The following FAM174B variants were observed in gnomAD, a reference collection of about 807,000 sequenced individuals.
The protein encoded by FAM174B is membrane protein FAM174B.
Under a neutral mutation model 10.9 loss-of-function variants are expected in FAM174B, and 12 were observed. That is an observed-to-expected ratio of 1.10 (90% CI 0.71 to 1.79). The LOEUF is 1.79. Among genes scored for constraint, FAM174B ranks in the 40% most tolerant of loss-of-function variants. The probability of loss-of-function intolerance (pLI) is 0.00; values close to 1 mark genes in which losing one functional copy is unlikely to be tolerated. For synonymous variants in FAM174B, 132 were observed against 115.8 expected (o/e 1.14, Z -0.90); for missense variants, 266 against 233.3 (o/e 1.14, Z -0.91).
At chr15:92,638,253 AC>A (rs1288135141) in intron 1 of FAM174B, among the ~76,000 whole-genome samples, 1 of 152,178 alleles carries the variant, frequency 6.6e-6, no homozygotes, top group Non-Finnish European at 1.5e-5. Context: ...GAGATAAAGC[AC>A]CCTTCCATCC....
intron 1 of FAM174B, among the ~76,000 whole-genome samples, chr15:92,642,152 G>A (rs554233475): frequency 6.6e-6 from 1 of 152,234 alleles, no homozygotes; most frequent in African/African-American, 2.4e-5. Context: ...TAAGCAAAAA[G>A]ACAGACAATA....
At chr15:92,628,846 A>G (rs1220126525) in intron 2 of FAM174B, among the ~76,000 whole-genome samples, 1 of 152,220 alleles carries the variant, frequency 6.6e-6, no homozygotes, top group Admixed American at 6.5e-5. Context: ...TAAAACACCA[A>G]TGAGAATATA....
chr15:92,621,941 TG>T (rs1283501074), intron 2 of FAM174B, among the ~76,000 whole-genome samples: 2 of 151,824 alleles, frequency 1.3e-5, no homozygotes, highest in African/African-American at 4.8e-5. Context: ...GGATGAAGGG[TG>T]GGGGCACAGG....
chr15:92,654,400 T>C (rs2141967607), intron 1 of FAM174B, among the ~76,000 whole-genome samples: 1 of 152,162 alleles, frequency 6.6e-6, no homozygotes, highest in African/African-American at 2.4e-5. Flanking sequence ...ACAGGACAGG[T>C]TTGGTTCATT....
chr15:92,626,646 G>C (rs1159368050), intron 2 of FAM174B, among the ~76,000 whole-genome samples: 1 of 152,110 alleles, frequency 6.6e-6, no homozygotes, highest in Non-Finnish European at 1.5e-5. Flanking sequence ...ATGGTCTGGA[G>C]CGGGAAACTT....
intron 1 of FAM174B, among the ~76,000 whole-genome samples, chr15:92,635,408 T>G (rs1050165802): frequency 1.3e-5 from 2 of 152,128 alleles, no homozygotes; most frequent in African/African-American, 4.8e-5. Flanking sequence ...AAACTGAGAC[T>G]GCTGAGAAGT....
chr15:92,620,951 C>T (rs2050715557), intron 2 of FAM174B, among the ~76,000 whole-genome samples: 1 of 151,980 alleles, frequency 6.6e-6, no homozygotes, highest in Non-Finnish European at 1.5e-5. Flanking sequence ...TATATAATCC[C>T]ATGAGCAAAA....
At chr15:92,641,816 G>T (rs76138241) in intron 1 of FAM174B, among the ~76,000 whole-genome samples, 6,030 of 152,008 alleles carry the variant, frequency 0.04, 147 homozygotes, top group African/African-American at 0.076. Flanking sequence ...AGATAAATTG[G>T]ACTCATCAAA....
chr15:92,630,699 A>G (rs971364078), intron 1 of FAM174B, among the ~76,000 whole-genome samples: 2 of 137,490 alleles, frequency 1.5e-5, no homozygotes, highest in African/African-American at 2.9e-5. Flanking sequence ...TTTTATATAT[A>G]TATTATATAA....
In FAM174B at chr15:92,619,406, T is replaced by A. The variant is rs2050703589; in HGVS notation, c.*50A>T. On this transcript the variant is annotated 3_prime_UTR_variant, in exon 3 of 3. Coordinates refer to ENST00000327355, the MANE Select transcript of FAM174B (RefSeq NM_207446.3). ...CAGGTCCAGTCCTTCACACCCCAGG[T>A]TGCAGCTGACCAACTTTCCACAGGA... 1 of 1,612,910 alleles carries A rather than the reference T, an allele frequency of 6.2e-7. No homozygotes were observed. The highest frequency in any genetic ancestry group is 1.1e-5 in the South Asian group (1 of 91,022).
chr15:92,623,960 T>G (rs1942824072), intron 2 of FAM174B, among the ~76,000 whole-genome samples: 1 of 152,224 alleles, frequency 6.6e-6, no homozygotes, highest in Non-Finnish European at 1.5e-5. Flanking sequence ...TCTTTTCTTT[T>G]TCTTTCTTTC....
At chr15:92,636,853 C>T (rs376959387) in intron 1 of FAM174B, among the ~76,000 whole-genome samples, 7 of 152,320 alleles carry the variant, frequency 4.6e-5, no homozygotes, top group Middle Eastern at 3.4e-3. Context: ...TTGACTTTAG[C>T]GCCAAAAAAC....
intron 1 of FAM174B, among the ~76,000 whole-genome samples, chr15:92,631,984 A>T (rs2141955562): frequency 6.6e-6 from 1 of 152,294 alleles, no homozygotes; most frequent in Non-Finnish European, 1.5e-5. Context: ...AAGTCAGTTC[A>T]TCTCCCTGAG....
intron 1 of FAM174B, among the ~76,000 whole-genome samples, chr15:92,630,564 G>A (rs1451770804): frequency 6.6e-6 from 1 of 151,732 alleles, no homozygotes; most frequent in Non-Finnish European, 1.5e-5. Flanking sequence ...ACACCCTGCT[G>A]CCCCACTTAT....
intron 1 of FAM174B, among the ~76,000 whole-genome samples, chr15:92,641,257 T>A (rs774827186): frequency 6.6e-6 from 1 of 152,248 alleles, no homozygotes; most frequent in Non-Finnish European, 1.5e-5. Flanking sequence ...ACTCTCTCAT[T>A]ACTTGTTTGT....
chr15:92,648,612 C>T (rs777611828), intron 1 of FAM174B, among the ~76,000 whole-genome samples: 16 of 152,180 alleles, frequency 1.1e-4, no homozygotes, highest in Non-Finnish European at 2.1e-4. Context: ...AGCCTCCCCA[C>T]TCTGGGCCTC....
chr15:92,655,610 G>A lies in FAM174B; in HGVS notation c.50C>T (p.Ala17Val). Reference protein sequence around the residue: ...PAPLLPLLLLALLAAPAARAS... With the variant: ...PAPLLPLLLLVLLAAPAARAS... ...GCGGGCGGCGGGAGCGGCCAGGAGC[G>A]CGAGCAGCAGCAGCGGCAGGAGCGG... The change falls in exon 1 of 3, where the codon GCG becomes GTG. Residue 17 changes from alanine (A) to valine (V), a missense_variant. Coordinates refer to ENST00000327355, the MANE Select transcript of FAM174B (RefSeq NM_207446.3). 2 of 1,272,984 alleles carry A rather than the reference G, an allele frequency of 1.6e-6. No homozygotes were observed. Among genetic ancestry groups the A allele is most frequent in the East Asian group, 3.3e-5 (1 of 30,658 alleles). The allele number at this position is 1,272,984 out of a possible 1,614,324, so 78.9% of individuals were successfully genotyped here. A position where few individuals can be genotyped will look rare whatever the true frequency, so the allele number is the denominator to read the frequency against.
chr15:92,655,177 G>C, intron 1 of FAM174B, 139 bp downstream of exon 1: 1 of 1,260,042 alleles, frequency 7.9e-7, no homozygotes, highest in Non-Finnish European at 1.0e-6. Flanking sequence ...CCACTCTCCC[G>C]GGCAGGGCAG....
In FAM174B at chr15:92,626,114, ATTTTTTT is replaced by A. The variant is rs67649021; in HGVS notation, c.476+4093_476+4099del. ...AATAAAAGTTTAGCAAGGTTGCTGG[ATTTTTTT>A]TTTTTTTTTTTTTTGAGACCAGGCC... On this transcript the variant is annotated intron_variant, in intron 2 of 2. Coordinates refer to ENST00000327355, the MANE Select transcript of FAM174B (RefSeq NM_207446.3). Among the ~76,000 whole-genome samples the A allele has an allele frequency of 3.8e-5, 4 of 105,056 alleles. No individual in the cohort carries two copies. In the East Asian group the frequency reaches 1.1e-3, roughly 30 times the overall value. The allele number at this position is 105,056 out of a possible 152,430, so 68.9% of individuals were successfully genotyped here.
Sources: gnomAD v4.1 joint callset for allele counts (sites outside exome capture counted in the v4.1 genomes callset) on GRCh38, gnomAD v4.1.1 for gene constraint, MANE v1.5 for transcripts, NCBI Gene and HGNC (gene_info 2026-07-23, HGNC 2026-07-21) for gene names.